Variants in DGKH observed in about 807,000 individuals in gnomAD.
DGKH encodes the protein diacylglycerol kinase eta, also known as DAG kinase eta.
DGKH carries 90 observed loss-of-function variants against 159.3 expected under a neutral mutation model. That is an observed-to-expected ratio of 0.57 (90% CI 0.48 to 0.67). DGKH has a LOEUF of 0.67. Ranked by LOEUF, DGKH falls within the 30% of genes least tolerant of loss-of-function variation. DGKH has a pLI of 0.00. For synonymous variants in DGKH, 536 were observed against 553.8 expected (o/e 0.97, Z 0.45); for missense variants, 1,181 against 1,506.1 (o/e 0.78, Z 3.57).
intron 3 of DGKH, among the ~76,000 whole-genome samples, chr13:42,141,593 T>C (rs1955560984): frequency 6.6e-6 from 1 of 152,242 alleles, no homozygotes; most frequent in Non-Finnish European, 1.5e-5. Context: ...ATCTCCATTC[T>C]AACTGGTGTG....
At position 42,190,397 on chromosome 13, in the gene DGKH, C is replaced by G. The variant is rs1415784251; in HGVS notation, c.1913-6C>G. ...TCCAAACTATTTGTCTTCTTACTAC[C>G]TGAAGTTATGGATGACCCGACAGTT... On this transcript the variant is annotated splice_region_variant and splice_polypyrimidine_tract_variant and intron_variant, in intron 15 of 29. Transcript: ENST00000337343. 38 of 1,602,696 alleles carry G rather than the reference C, an allele frequency of 2.4e-5. No homozygotes were observed. The highest frequency in any genetic ancestry group is 3.1e-5 in the Non-Finnish European group (36 of 1,176,310).
At position 42,127,510 on chromosome 13, in the gene DGKH, A is replaced by G; in HGVS notation, c.240A>G (p.Gln80=). Residue 80 remains glutamine (Q), a synonymous_variant, in exon 2 of 30, where the codon CAA becomes CAG. Coordinates refer to ENST00000337343, the MANE Select transcript of DGKH (RefSeq NM_178009.5). ...GQLLKQTSSF[Q]RWKKRYFKLR... The stretch of plus-strand genomic sequence containing the variant: ...TATTGAAGCAAACCAGTTCTTTCCA[A>G]AGGTGGAAAAAGCGATACTTCAAAC... The G allele has an allele frequency of 6.2e-7, 1 of 1,613,804 alleles. No individual in the cohort carries two copies. The highest frequency in any genetic ancestry group is 8.5e-7 in the Non-Finnish European group (1 of 1,179,820).
intron 1 of DGKH, among the ~76,000 whole-genome samples, chr13:42,054,905 A>G (rs772100442): frequency 6.6e-6 from 1 of 152,174 alleles, no homozygotes; most frequent in African/African-American, 2.4e-5. Context: ...AAAAAAAATT[A>G]CTCTACTTTG....
intron 1 of DGKH, among the ~76,000 whole-genome samples, chr13:42,041,697 TCTCA>T (rs1387536528): frequency 1.3e-5 from 2 of 152,116 alleles, no homozygotes; most frequent in South Asian, 2.1e-4. Context: ...GGAATCCCCC[TCTCA>T]CTCAGAGCTC....
chr13:42,083,475 A>G (rs1954246860), intron 1 of DGKH, among the ~76,000 whole-genome samples: 2 of 152,232 alleles, frequency 1.3e-5, no homozygotes, highest in South Asian at 4.1e-4. Flanking sequence ...ATACAAATGC[A>G]AGTTTGGGTT....
At chr13:42,175,994 C>T (rs920738401) in intron 12 of DGKH, among the ~76,000 whole-genome samples, 1 of 152,206 alleles carries the variant, frequency 6.6e-6, no homozygotes, top group Non-Finnish European at 1.5e-5. Context: ...GCGCCTGGTA[C>T]ACAATGCAAA....
At chr13:42,090,838 C>T (rs1365297832) in intron 1 of DGKH, among the ~76,000 whole-genome samples, 1 of 152,064 alleles carries the variant, frequency 6.6e-6, no homozygotes, top group Admixed American at 6.5e-5. Context: ...ACAGAGCCCC[C>T]ATGGATGGCA....
At chr13:42,201,235 C>T (rs1957340096) in intron 20 of DGKH, among the ~76,000 whole-genome samples, 1 of 152,150 alleles carries the variant, frequency 6.6e-6, no homozygotes, top group African/African-American at 2.4e-5. Context: ...TCATGGTCTG[C>T]CCGCCTCGGC....
At chr13:42,059,032 G>A (rs754040126) in intron 1 of DGKH, among the ~76,000 whole-genome samples, 22 of 152,146 alleles carry the variant, frequency 1.4e-4, no homozygotes, top group Non-Finnish European at 2.8e-4. Context: ...CTGAATTGAG[G>A]ATTTCTCCAT....
At chr13:42,174,315 A>G (rs772242550) in intron 12 of DGKH, among the ~76,000 whole-genome samples, 171 bp downstream of exon 12, 5 of 152,132 alleles carry the variant, frequency 3.3e-5, no homozygotes, top group Non-Finnish European at 5.9e-5. Flanking sequence ...TCCCCCAGAG[A>G]GAAGAATCCT....
chr13:42,175,550 G>A (rs542520552), intron 12 of DGKH, among the ~76,000 whole-genome samples: 1 of 152,114 alleles, frequency 6.6e-6, no homozygotes, highest in South Asian at 2.1e-4. Flanking sequence ...CTTCAGAAAT[G>A]TCTGTTTTCT....
chr13:42,184,744 G>A (rs1482924102), intron 13 of DGKH, among the ~76,000 whole-genome samples: 1 of 151,932 alleles, frequency 6.6e-6, no homozygotes, highest in Non-Finnish European at 1.5e-5. Context: ...ACATGGACCT[G>A]TGGTCCTAGC....
intron 20 of DGKH, among the ~76,000 whole-genome samples, chr13:42,204,493 C>T (rs909804760): frequency 1.3e-5 from 2 of 152,202 alleles, no homozygotes; most frequent in African/African-American, 4.8e-5. Flanking sequence ...TCCATTACAC[C>T]ATTCCAATCA....
chr13:42,136,858 G>C (rs969073895), intron 3 of DGKH, among the ~76,000 whole-genome samples: 4 of 152,172 alleles, frequency 2.6e-5, no homozygotes, highest in African/African-American at 9.7e-5. Flanking sequence ...TTCCACAGCA[G>C]ATGTGAGTAA....
At chr13:42,159,874 C>A in intron 6 of DGKH, 137 bp from the exon 7 acceptor site, 2 of 1,240,910 alleles carry the variant, frequency 1.6e-6, no homozygotes, top group Non-Finnish European at 2.2e-6. Context: ...GCTCAATAAA[C>A]GTGGGGTAAA....
At position 42,041,517 on chromosome 13, in the gene DGKH, G is replaced by C. The variant is rs146396220; in HGVS notation, c.-13+1391G>C. Reference sequence around the variant, plus strand: ...GATTTCGCTGCACACGCAACGCGGAGGTTGAGTAATTTTAGGAACCAAGAG... The same window carrying C: ...GATTTCGCTGCACACGCAACGCGGACGTTGAGTAATTTTAGGAACCAAGAG... On this transcript the variant is annotated intron_variant, in intron 1 of 29. Transcript: ENST00000379274. 2.0e-5 allele frequency among the ~76,000 whole-genome samples: 3 copies of C among 152,356 alleles called. No homozygotes were observed. In the East Asian group the frequency reaches 5.8e-4, roughly 29 times the overall value.
chr13:42,180,385 G>A (rs750741664), intron 13 of DGKH, among the ~76,000 whole-genome samples: 7 of 152,158 alleles, frequency 4.6e-5, no homozygotes, highest in Non-Finnish European at 7.3e-5. Context: ...TCCATTCAGC[G>A]TTTTTTCTAG....
At position 42,076,276 on chromosome 13, in the gene DGKH, C is replaced by T. The variant is rs143166413; in HGVS notation, c.192+27311C>T. 5.7e-3 allele frequency among the ~76,000 whole-genome samples: 874 copies of T among 152,266 alleles called. 11 individuals carry two copies. Among genetic ancestry groups the T allele is most frequent in the African/African-American group, 0.02 (837 of 41,552 alleles). On this transcript the variant is annotated intron_variant, in intron 1 of 29. Transcript: ENST00000337343. ...TGTGTTTGTTGGATAGGAGACAGCT[C>T]AATTCTTTATTGGCGTAAAGAATAA... is the stretch of plus-strand genomic sequence containing the variant.
chr13:42,244,903 CAAAAAAAAAAAAA>C (rs57184890), downstream of DGKH, among the ~76,000 whole-genome samples: 27 of 42,970 alleles, frequency 6.3e-4, no homozygotes, highest in African/African-American at 2.5e-3. Context: ...GACTCCGTCT[CAAAAAAAAAAAAA>C]AAAAAAAAAA....
Sources: gnomAD v4.1 joint callset for allele counts (sites outside exome capture counted in the v4.1 genomes callset) on GRCh38, gnomAD v4.1.1 for gene constraint, MANE v1.5 for transcripts, NCBI Gene and HGNC (gene_info 2026-07-23, HGNC 2026-07-21) for gene names.